KCNH1: variants seen among roughly 807,000 people sequenced by gnomAD.
The protein encoded by KCNH1 is voltage-gated delayed rectifier potassium channel KCNH1.
Under a neutral mutation model 69.2 loss-of-function variants are expected in KCNH1, and 27 were observed. That is an observed-to-expected ratio of 0.39 (90% CI 0.29 to 0.54). The LOEUF (loss-of-function observed/expected upper bound fraction) is 0.54, where lower values mean the gene tolerates loss of function less well. Among genes scored for constraint, KCNH1 ranks in the 20% least tolerant of loss-of-function variants. The probability of loss-of-function intolerance (pLI) is 0.68; values close to 1 mark genes in which losing one functional copy is unlikely to be tolerated. For missense variants in KCNH1, 798 were observed against 1,261.6 expected (o/e 0.63, Z 5.57); for synonymous variants, 456 against 487.7 (o/e 0.93, Z 0.86).
intron 7 of KCNH1, among the ~76,000 whole-genome samples, chr1:210,889,433 C>A (rs1363892141): frequency 6.6e-6 from 1 of 152,166 alleles, no homozygotes; most frequent in Non-Finnish European, 1.5e-5. Flanking sequence ...TTATGACCAC[C>A]CCACAGCCAA....
At chr1:211,080,509 A>C (rs906758540) in intron 5 of KCNH1, among the ~76,000 whole-genome samples, 1 of 152,234 alleles carries the variant, frequency 6.6e-6, no homozygotes, top group Non-Finnish European at 1.5e-5. Context: ...CATATTGCCA[A>C]GACAATCCTA....
intron 7 of KCNH1, among the ~76,000 whole-genome samples, chr1:210,885,279 G>A (rs1263694917): frequency 1.3e-5 from 2 of 152,178 alleles, no homozygotes; most frequent in Non-Finnish European, 2.9e-5. Flanking sequence ...GCAGGGTGGG[G>A]CATCACCTCA....
intron 7 of KCNH1, among the ~76,000 whole-genome samples, chr1:210,851,045 T>C (rs186329560): frequency 8.5e-5 from 13 of 152,354 alleles, no homozygotes; most frequent in Non-Finnish European, 1.8e-4. Context: ...TTTGTCTTCA[T>C]GGCCCACGTA....
chr1:210,879,750 G>A (rs61848969), intron 7 of KCNH1, among the ~76,000 whole-genome samples: 2 of 151,962 alleles, frequency 1.3e-5, no homozygotes, highest in Admixed American at 1.3e-4. Context: ...GAAGGTCCTA[G>A]CTAATGCAAT....
chr1:210,902,073 G>C, intron 7 of KCNH1, among the ~76,000 whole-genome samples: 1 of 152,260 alleles, frequency 6.6e-6, no homozygotes, highest in East Asian at 1.9e-4. Flanking sequence ...GGAAGACCAG[G>C]ATGAACAGAC....
At chr1:210,858,961 TC>T (rs950703706) in intron 7 of KCNH1, 9 of 384,460 alleles carry the variant, frequency 2.3e-5, no homozygotes, top group Admixed American at 1.5e-4. Flanking sequence ...GTACCTCCAA[TC>T]CCCCCCACCC....
At chr1:210,686,471 T>G (rs1173879170) in intron 10 of KCNH1, among the ~76,000 whole-genome samples, 1 of 152,158 alleles carries the variant, frequency 6.6e-6, no homozygotes, top group Non-Finnish European at 1.5e-5. Flanking sequence ...CTCTCTATCT[T>G]TTATCTATTT....
chr1:210,687,408 A>G (rs1313063950), intron 10 of KCNH1, among the ~76,000 whole-genome samples: 3 of 152,188 alleles, frequency 2.0e-5, no homozygotes, highest in Non-Finnish European at 2.9e-5. Context: ...TGGTGGAACC[A>G]TGGGTCTCTG....
At chr1:210,763,297 G>A (rs868853531) in intron 10 of KCNH1, among the ~76,000 whole-genome samples, 2 of 151,796 alleles carry the variant, frequency 1.3e-5, no homozygotes, top group African/African-American at 2.4e-5. Context: ...AGAAACATTC[G>A]CCCTAAGAAC....
intron 4 of KCNH1, among the ~76,000 whole-genome samples, chr1:211,086,306 T>C (rs1372638254): frequency 6.6e-6 from 1 of 152,212 alleles, no homozygotes; most frequent in African/African-American, 2.4e-5. Flanking sequence ...TTTCTGTGCC[T>C]GTCTTTTGCC....
At chr1:210,906,080 C>T (rs1183632731) in intron 7 of KCNH1, among the ~76,000 whole-genome samples, 1 of 152,194 alleles carries the variant, frequency 6.6e-6, no homozygotes, top group Non-Finnish European at 1.5e-5. Flanking sequence ...GTGGCACATG[C>T]CATCAGGTCT....
chr1:211,109,506 A>G (rs1029823385), intron 1 of KCNH1, among the ~76,000 whole-genome samples: 1 of 152,238 alleles, frequency 6.6e-6, no homozygotes, highest in African/African-American at 2.4e-5. Flanking sequence ...TGGTTTGACC[A>G]TCTCTTGTTA....
chr1:210,830,364 G>C (rs1245388597), intron 7 of KCNH1, among the ~76,000 whole-genome samples: 1 of 152,178 alleles, frequency 6.6e-6, no homozygotes, highest in Non-Finnish European at 1.5e-5. Context: ...AAGAAGCCCA[G>C]CTCTGGCAAA....
At chr1:211,004,697 A>T (rs1185311686) in intron 6 of KCNH1, among the ~76,000 whole-genome samples, 2 of 152,192 alleles carry the variant, frequency 1.3e-5, no homozygotes, top group African/African-American at 4.8e-5. Context: ...CCTTCAAATT[A>T]AAGACAAGTG....
chr1:210,981,578 A>C (rs1160840680), intron 6 of KCNH1, among the ~76,000 whole-genome samples: 1 of 152,040 alleles, frequency 6.6e-6, no homozygotes, highest in Non-Finnish European at 1.5e-5. Flanking sequence ...TATAAATACT[A>C]TCTCTATAAA....
At chr1:210,998,568 C>T (rs1013348236) in intron 6 of KCNH1, among the ~76,000 whole-genome samples, 3 of 152,138 alleles carry the variant, frequency 2.0e-5, no homozygotes, top group Non-Finnish European at 2.9e-5. Flanking sequence ...TAGTGGGAGA[C>T]TTTAACACCC....
At position 210,705,422 on chromosome 1, in the gene KCNH1, T is replaced by C. The variant is rs1681884709; in HGVS notation, c.2113-21284A>G. ...AAAACTAACTTCCAGAGAGGTGTAATTTTAGGCTAACCAAACAGCATCCAT... is the reference window on the plus strand; with the variant it reads ...AAAACTAACTTCCAGAGAGGTGTAACTTTAGGCTAACCAAACAGCATCCAT... On this transcript the variant is annotated intron_variant, in intron 10 of 10. Transcript: ENST00000271751. Among the ~76,000 whole-genome samples, 4 of 152,148 alleles carry C rather than the reference T, an allele frequency of 2.6e-5. 1 individual carries two copies. In the South Asian group the frequency reaches 8.3e-4, roughly 32 times the overall value.
At chr1:210,939,478 G>T (rs1558533651) in intron 6 of KCNH1, among the ~76,000 whole-genome samples, 1 of 152,164 alleles carries the variant, frequency 6.6e-6, no homozygotes. Flanking sequence ...CCAGACAGAA[G>T]GATCAGCAAG....
chr1:210,843,381 C>T (rs1685465031), intron 7 of KCNH1, among the ~76,000 whole-genome samples: 1 of 152,186 alleles, frequency 6.6e-6, no homozygotes, highest in Non-Finnish European at 1.5e-5. Flanking sequence ...AAACTAACCA[C>T]TAATATGCTT....
Sources: allele counts gnomAD v4.1 joint callset (sites outside exome capture counted in the v4.1 genomes callset), GRCh38; gene constraint gnomAD v4.1.1; transcripts MANE v1.5; gene names NCBI Gene and HGNC (gene_info 2026-07-23, HGNC 2026-07-21).